GCC2: variants seen among roughly 807,000 people sequenced by gnomAD.
GCC2 encodes GRIP and coiled-coil domain containing 2.
A neutral mutation model predicts 210.6 loss-of-function variants in GCC2; 120 were observed. The observed-to-expected ratio is 0.57, with a 90% CI of 0.49 to 0.66. The LOEUF (loss-of-function observed/expected upper bound fraction) is 0.66, where lower values mean the gene tolerates loss of function less well. Among genes scored for constraint, GCC2 ranks in the 30% least tolerant of loss-of-function variants. GCC2 has a pLI of 0.00. For synonymous variants in GCC2, 703 were observed against 652.7 expected, an observed-to-expected ratio of 1.08 and a Z score of -1.17; for missense variants, 1,868 against 1,871.9, an observed-to-expected ratio of 1.00 and a Z score of 0.04.
chr2:108,453,785 TAAA>T (rs200197742), intron 4 of GCC2, among the ~76,000 whole-genome samples: 13 of 141,762 alleles, frequency 9.2e-5, no homozygotes, highest in Admixed American at 7.1e-5. Context: ...ACTCCGTTTT[TAAA>T]AAAAAAAAAA....
chr2:108,487,904 T>A lies in GCC2; in HGVS notation c.4052+84T>A, dbSNP rs1682227592. 9.3e-6 allele frequency: 10 copies of A among 1,080,466 alleles called. No homozygotes were observed. In the East Asian group the frequency reaches 1.3e-4, roughly 14 times the overall value. The allele number at this position is 1,080,466 out of a possible 1,614,324, so 66.9% of individuals were successfully genotyped here. ...TAGATTGAAAATCCTATTATGATTT[T>A]TTTTTTTTTTTTTTTTTTTGAGACA... On this transcript the variant is annotated intron_variant, in intron 17 of 22. Transcript: ENST00000309863.
chr2:108,470,457 T>C lies in GCC2; in HGVS notation c.1128T>C (p.Phe376=), dbSNP rs1198814494. 6.2e-7 allele frequency: 1 copy of C among 1,608,750 alleles called. No homozygotes were observed. The highest frequency in any genetic ancestry group is 1.3e-5 in the African/African-American group (1 of 74,912). Residue 376 remains phenylalanine, a synonymous_variant, in exon 6 of 23, where the codon TTT becomes TTC. Coordinates refer to ENST00000309863, the MANE Select transcript of GCC2 (RefSeq NM_181453.4). ...EMDAQHIKDE[F]FHEREDLEFK... ...ATGCTCAACATATAAAGGATGAGTT[T>C]TTTCATGAACGGGAAGACTTAGAGT...
At position 108,507,800 on chromosome 2, in the gene GCC2, T is replaced by G. The variant is rs1437144252; in HGVS notation, c.*170T>G. 1.9e-6 allele frequency: 1 copy of G among 535,068 alleles called. No individual in the cohort carries two copies. Among genetic ancestry groups the G allele is most frequent in the Non-Finnish European group, 3.4e-6 (1 of 296,082 alleles). The allele number at this position is 535,068 out of a possible 1,614,324, so 33.1% of individuals were successfully genotyped here. On this transcript the variant is annotated 3_prime_UTR_variant, in exon 23 of 23. Coordinates refer to ENST00000309863, the MANE Select transcript of GCC2 (RefSeq NM_181453.4). The stretch of plus-strand genomic sequence containing the variant: ...TAAAAGTTTCATCTTGAAGTAAAAG[T>G]ACAACAGCTTGAAGTGTTGATAGCA...
At chr2:108,486,908 T>C (rs760348830) in intron 16 of GCC2, among the ~76,000 whole-genome samples, 4 of 152,216 alleles carry the variant, frequency 2.6e-5, no homozygotes, top group Non-Finnish European at 4.4e-5. Context: ...GTGTCACTTA[T>C]TTATAAAACT....
chr2:108,501,233 C>T (rs2104514756), intron 22 of GCC2, among the ~76,000 whole-genome samples: 1 of 152,186 alleles, frequency 6.6e-6, no homozygotes, highest in Non-Finnish European at 1.5e-5. Context: ...GATCTGCCCG[C>T]CTTGGCCTCC....
intron 1 of GCC2, 47 bp from the exon 2 acceptor site, chr2:108,449,586 T>C: frequency 6.4e-7 from 1 of 1,561,146 alleles, no homozygotes; most frequent in Non-Finnish European, 8.8e-7. Flanking sequence ...CCGTGTGGAA[T>C]TAGGAAAAGA....
At chr2:108,450,837 C>A (rs910324612) in intron 2 of GCC2, among the ~76,000 whole-genome samples, 191 bp from the exon 3 acceptor site, 1 of 151,972 alleles carries the variant, frequency 6.6e-6, no homozygotes, top group African/African-American at 2.4e-5. Flanking sequence ...GAGCCAAGAT[C>A]GTGTCATGCA....
At chr2:108,507,261 C>T (rs1386493069) in intron 22 of GCC2, among the ~76,000 whole-genome samples, 5 of 151,928 alleles carry the variant, frequency 3.3e-5, no homozygotes, top group East Asian at 1.9e-4. Flanking sequence ...GGCATGGTGG[C>T]ACACACCTTG....
intron 22 of GCC2, among the ~76,000 whole-genome samples, chr2:108,502,256 A>G (rs1381268818): frequency 7.9e-5 from 12 of 152,206 alleles, no homozygotes; most frequent in Non-Finnish European, 1.8e-4. Context: ...ATATTATCTC[A>G]AAATACTCAG....
At chr2:108,488,372 G>T (rs1573218708) in intron 17 of GCC2, among the ~76,000 whole-genome samples, 1 of 152,152 alleles carries the variant, frequency 6.6e-6, no homozygotes, top group Non-Finnish European at 1.5e-5. Context: ...GTGAAGCCAG[G>T]ATATGAGATA....
Position 108,482,295 on chromosome 2 carries a change from A to G in GCC2, c.3189A>G (p.Thr1063=). 6.4e-7 allele frequency: 1 copy of G among 1,572,008 alleles called. No homozygotes were observed. Among genetic ancestry groups the G allele is most frequent in the African/African-American group, 1.4e-5 (1 of 73,388 alleles). The change falls in exon 11 of 23, where the codon ACA becomes ACG. Residue 1063 remains threonine, a synonymous_variant. Coordinates refer to ENST00000309863, the MANE Select transcript of GCC2 (RefSeq NM_181453.4). ...ATCATTTGTCATTTCAGTGTGAAAC[A>G]ATAAATTCTGATAATGAAGATCTCC... The part of the protein sequence containing the change: ...QLRNSTLQCE[T]INSDNEDLLA...
rs34052393 is a variant in GCC2, at chr2:108,459,745, C to CTTTTTTTTTTTTTT, written c.216+7299_216+7312dup. On this transcript the variant is annotated intron_variant, in intron 4 of 22. Transcript: ENST00000309863. ...GCCATTAGATAATGACCTTCTTTGT[C>CTTTTTTTTTTTTTT]TTTTTTTTTTTTTTTTTTTTTTTTT... Among the ~76,000 whole-genome samples the CTTTTTTTTTTTTTT allele has an allele frequency of 5.5e-3, 146 of 26,772 alleles. 7 individuals carry two copies. The highest frequency in any genetic ancestry group is 7.5e-3 in the African/African-American group (58 of 7,738). 17.6% of individuals were successfully genotyped at this position (26,772 alleles called of 152,430 possible).
Position 108,482,324 on chromosome 2 carries a change from C to A in GCC2, c.3218C>A (p.Ala1073Asp). 1.3e-6 allele frequency: 2 copies of A among 1,588,880 alleles called. No homozygotes were observed. The highest frequency in any genetic ancestry group is 1.1e-5 in the South Asian group (1 of 88,220). Residue 1073 changes from alanine (A) to aspartate (D), a missense_variant, in exon 11 of 23, where the codon GCT becomes GAT. By Grantham distance (126) the Ala-to-Asp change is moderately radical (BLOSUM62 -2). This residue lies in a region of GCC2 where 1,847 missense variants were observed against 1,765.2 expected (regional missense o/e 1.05). Coordinates refer to ENST00000309863, the MANE Select transcript of GCC2 (RefSeq NM_181453.4). ...AATTCTGATAATGAAGATCTCCTGG[C>A]TCGTATTGAGACATTACAGTCTAAT... Reference protein sequence around the residue: ...TINSDNEDLLARIETLQSNAK... With the variant: ...TINSDNEDLLDRIETLQSNAK...
At chr2:108,493,393 A>G in intron 19 of GCC2, 4 of 971,598 alleles carry the variant, frequency 4.1e-6, no homozygotes, top group Non-Finnish European at 4.9e-6. Context: ...TGGCCGACAC[A>G]TGTCTTAATT....
chr2:108,470,040 G>C lies in GCC2; in HGVS notation c.711G>C (p.Leu237Phe). The C allele has an allele frequency of 6.2e-7, 1 of 1,613,112 alleles. No individual in the cohort carries two copies. The highest frequency in any genetic ancestry group is 8.5e-7 in the Non-Finnish European group (1 of 1,179,638). Residue 237 changes from leucine (L) to phenylalanine (F), a missense_variant, in exon 6 of 23, where the codon TTG (leucine) becomes TTC (phenylalanine). This residue lies in a region of GCC2 where 1,847 missense variants were observed against 1,765.2 expected (regional missense o/e 1.05). Coordinates refer to ENST00000309863, the MANE Select transcript of GCC2 (RefSeq NM_181453.4). ...ATTACCAAAAAAATATTAATAGTTTGCAGGAAGAGCTTTTACAGTTGAAAG... is the reference window on the plus strand; with the variant it reads ...ATTACCAAAAAAATATTAATAGTTTCCAGGAAGAGCTTTTACAGTTGAAAG... ...SQHYQKNINSLQEELLQLKAI... is the reference protein window; with the variant it reads ...SQHYQKNINSFQEELLQLKAI...
Position 108,470,620 on chromosome 2 carries a change from G to A in GCC2, c.1291G>A (p.Glu431Lys). ...QHNREVQSLK[E>K]QHQKEISELN... is the part of the protein sequence containing the mutation. The stretch of plus-strand genomic sequence containing the variant: ...TAACAGAGAAGTACAGAGTCTTAAG[G>A]AACAACATCAAAAAGAAATATCAGA... Residue 431 changes from glutamate (E) to lysine (K), a missense_variant, in exon 6 of 23, where the codon GAA (glutamate) becomes AAA (lysine). By Grantham distance (56) the Glu-to-Lys change is moderately conservative. Around this residue, in one of 3 missense-constraint regions of GCC2, gnomAD observed 1,847 missense variants for 1,765.2 expected, o/e 1.05. Transcript: ENST00000309863. 6.2e-7 allele frequency: 1 copy of A among 1,612,250 alleles called. No individual in the cohort carries two copies. Among genetic ancestry groups the A allele is most frequent in the Non-Finnish European group, 8.5e-7 (1 of 1,178,974 alleles).
chr2:108,496,638 G>A (rs1682657842), intron 20 of GCC2: 2 of 328,328 alleles, frequency 6.1e-6, no homozygotes, highest in South Asian at 6.8e-5. Context: ...TTCCTTATAC[G>A]TGAAATGACA....
Position 108,508,873 on chromosome 2 carries a change from T to C in GCC2, c.*1243T>C, listed in dbSNP as rs1434184395. 6.5e-6 allele frequency: 1 copy of C among 152,686 alleles called. No homozygotes were observed. The highest frequency in any genetic ancestry group is 2.1e-4 in the South Asian group (1 of 4,834). The allele number at this position is 152,686 out of a possible 1,614,324, so 9.5% of individuals were successfully genotyped here. A position where few individuals can be genotyped will look rare whatever the true frequency, so the allele number is the denominator to read the frequency against. The stretch of plus-strand genomic sequence containing the variant: ...ACACAGTATGCTCTCTGAAGTTCTC[T>C]TAAGCCTTCAGTTTATACTCTTAAT... On this transcript the variant is annotated 3_prime_UTR_variant, in exon 23 of 23. Coordinates refer to ENST00000309863, the MANE Select transcript of GCC2 (RefSeq NM_181453.4).
intron 9 of GCC2, among the ~76,000 whole-genome samples, chr2:108,480,463 C>A (rs1681793788): frequency 6.6e-6 from 1 of 152,164 alleles, no homozygotes; most frequent in African/African-American, 2.4e-5. Flanking sequence ...ATGTTCTCTG[C>A]AGCACTATTC....
Sources: gnomAD v4.1 joint callset for allele counts (sites outside exome capture counted in the v4.1 genomes callset) on GRCh38, gnomAD v4.1.1 for gene constraint, gnomAD v4.1.1 regional missense constraint, MANE v1.5 for transcripts, NCBI Gene and HGNC (gene_info 2026-07-23, HGNC 2026-07-21) for gene names.